Variants in PAM observed in about 807,000 individuals in gnomAD.
PAM encodes the protein peptidyl-glycine alpha-amidating monooxygenase.
A neutral mutation model predicts 122.1 loss-of-function variants in PAM; 72 were observed. The observed-to-expected ratio is 0.59, with a 90% CI of 0.49 to 0.72. The LOEUF (loss-of-function observed/expected upper bound fraction) is 0.72. PAM is among the 30% of genes least tolerant of loss of function. PAM has a pLI of 0.00. For synonymous variants in PAM, 389 were observed against 404.4 expected (o/e 0.96, Z 0.46); for missense variants, 1,106 against 1,183.7 (o/e 0.93, Z 0.96).
intron 1 of PAM, among the ~76,000 whole-genome samples, chr5:102,860,743 A>G (rs1403831446): frequency 6.6e-6 from 1 of 150,394 alleles, no homozygotes; most frequent in Non-Finnish European, 1.5e-5. Context: ...TATAAAGGGG[A>G]AAAAAATAGT....
chr5:102,785,450 T>C (rs1760258319), intron 1 of PAM, among the ~76,000 whole-genome samples: 2 of 152,316 alleles, frequency 1.3e-5, no homozygotes, highest in South Asian at 4.1e-4. Context: ...AACCAGAGGG[T>C]AAGGCAACCT....
chr5:102,990,671 C>T (rs1332319000), intron 16 of PAM, among the ~76,000 whole-genome samples: 2 of 152,170 alleles, frequency 1.3e-5, no homozygotes, highest in African/African-American at 4.8e-5. Flanking sequence ...ATTTTGCTCC[C>T]TCCTGTTATC....
intron 4 of PAM, among the ~76,000 whole-genome samples, chr5:102,908,609 C>CT (rs1298624590): frequency 1.3e-5 from 2 of 151,258 alleles, no homozygotes; most frequent in African/African-American, 4.9e-5. Flanking sequence ...GGAGATATAC[C>CT]TAATGCTAAA....
intron 1 of PAM, among the ~76,000 whole-genome samples, chr5:102,829,011 C>G (rs961000537): frequency 6.6e-5 from 10 of 150,566 alleles, no homozygotes; most frequent in African/African-American, 2.5e-4. Context: ...CTCAGCTTCC[C>G]GAGAAGCTGG....
chr5:102,992,532 A>T (rs1774426400), intron 16 of PAM, among the ~76,000 whole-genome samples: 1 of 152,126 alleles, frequency 6.6e-6, no homozygotes, highest in Admixed American at 6.6e-5. Flanking sequence ...AACAAATTAG[A>T]TTCAGGCTCC....
At chr5:102,923,107 T>C (rs767317330) in intron 5 of PAM, among the ~76,000 whole-genome samples, 3 of 152,232 alleles carry the variant, frequency 2.0e-5, no homozygotes, top group Non-Finnish European at 4.4e-5. Flanking sequence ...AGAAGCAAGA[T>C]CACTTTGCTA....
At chr5:103,000,993 A>C (rs1777222809) in intron 16 of PAM, among the ~76,000 whole-genome samples, 1 of 152,206 alleles carries the variant, frequency 6.6e-6, no homozygotes, top group Non-Finnish European at 1.5e-5. Flanking sequence ...TGGCCATTAA[A>C]AAATACACCA....
chr5:102,861,107 A>G (rs904978049), intron 1 of PAM, among the ~76,000 whole-genome samples: 1 of 152,172 alleles, frequency 6.6e-6, no homozygotes, highest in Non-Finnish European at 1.5e-5. Flanking sequence ...TTTGCCAACA[A>G]CCAGCACTAA....
chr5:103,013,920 A>T (rs1232424326), intron 21 of PAM, among the ~76,000 whole-genome samples: 4 of 152,168 alleles, frequency 2.6e-5, no homozygotes, highest in African/African-American at 9.7e-5. Context: ...TTTTTCTAGA[A>T]ATATTTCACC....
chr5:102,945,902 A>C (rs1424372770), intron 7 of PAM, among the ~76,000 whole-genome samples: 1 of 152,214 alleles, frequency 6.6e-6, no homozygotes, highest in African/African-American at 2.4e-5. Flanking sequence ...TTTTATATAT[A>C]GCCTAATGAA....
At chr5:102,875,525 A>G (rs1788893258) in intron 3 of PAM, among the ~76,000 whole-genome samples, 1 of 152,212 alleles carries the variant, frequency 6.6e-6, no homozygotes, top group East Asian at 1.9e-4. Flanking sequence ...TTTTTCTTAT[A>G]TCTTCTAATG....
intron 15 of PAM, among the ~76,000 whole-genome samples, chr5:102,979,064 A>ACACACACG (rs371223771): frequency 0.017 from 2,574 of 151,308 alleles, 66 homozygotes; most frequent in African/African-American, 0.059. Context: ...ACACACACGC[A>ACACACACG]CACACACATA....
At chr5:102,873,878 T>G (rs1788325045) in intron 3 of PAM, 1 of 152,178 alleles carries the variant, frequency 6.6e-6, no homozygotes, top group Admixed American at 6.5e-5. Context: ...TTTTTCTCCT[T>G]TCAGAGAAAA....
chr5:103,006,652 G>A (rs944148283), intron 18 of PAM, 149 bp from the exon 19 acceptor site: 21 of 609,872 alleles, frequency 3.4e-5, no homozygotes, highest in Middle Eastern at 4.1e-4. Context: ...CTAGGATCCC[G>A]TTCAGTTCTA....
intron 1 of PAM, among the ~76,000 whole-genome samples, chr5:102,863,631 G>GTT (rs779776288): frequency 2.9e-5 from 4 of 138,148 alleles, no homozygotes; most frequent in Admixed American, 7.3e-5. Flanking sequence ...GAAACTAAGG[G>GTT]TTTTTTTTTT....
chr5:102,940,898 T>C (rs1336037175), intron 7 of PAM, among the ~76,000 whole-genome samples: 1 of 152,164 alleles, frequency 6.6e-6, no homozygotes, highest in Non-Finnish European at 1.5e-5. Context: ...CACTTTTCTG[T>C]GTATCAGAGT....
intron 1 of PAM, among the ~76,000 whole-genome samples, chr5:102,770,895 T>C (rs1755587122): frequency 6.6e-6 from 1 of 152,066 alleles, no homozygotes; most frequent in African/African-American, 2.4e-5. Flanking sequence ...TAATAGTTAA[T>C]AATTTCCCCC....
intron 22 of PAM, 110 bp downstream of exon 22, chr5:103,017,543 A>G (rs967223127): frequency 2.7e-6 from 2 of 734,290 alleles, no homozygotes; most frequent in Non-Finnish European, 4.8e-6. Context: ...TGAGAGTAGG[A>G]ATCAAAGTAT....
intron 24 of PAM, among the ~76,000 whole-genome samples, chr5:103,027,673 A>G (rs2151400773): frequency 6.6e-6 from 1 of 152,348 alleles, no homozygotes; most frequent in Middle Eastern, 3.4e-3. Context: ...ATATACATGG[A>G]TCCAAAGCTT....
Sources: allele counts gnomAD v4.1 joint callset (sites outside exome capture counted in the v4.1 genomes callset), GRCh38; gene constraint gnomAD v4.1.1; transcripts MANE v1.5; gene names NCBI Gene and HGNC (gene_info 2026-07-23, HGNC 2026-07-21).